NAPG: variants seen among roughly 807,000 people sequenced by gnomAD.
NAPG encodes gamma-soluble NSF attachment protein.
Under a neutral mutation model 48.4 loss-of-function variants are expected in NAPG, and 25 were observed. The observed-to-expected ratio is 0.52, with a 90% CI of 0.38 to 0.72. The LOEUF (loss-of-function observed/expected upper bound fraction) is 0.72. Ranked by LOEUF, NAPG falls within the 30% of genes least tolerant of loss-of-function variation. The pLI is 0.00. For synonymous variants in NAPG, 139 were observed against 127.2 expected, an observed-to-expected ratio of 1.09 and a Z score of -0.62; for missense variants, 359 against 372.5, an observed-to-expected ratio of 0.96 and a Z score of 0.30.
rs754796911 is a variant in NAPG at position 10,548,305 on chromosome 18, A to G, written c.592A>G (p.Ile198Val). 5 of 1,612,090 alleles carry G rather than the reference A, an allele frequency of 3.1e-6. No individual in the cohort carries two copies. Among genetic ancestry groups the G allele is most frequent in the African/African-American group, 1.3e-5 (1 of 74,818 alleles). ...ENYPTCYKKT[I>V]AQVLVHLHRN... is the part of the protein sequence containing the mutation. ...ATCCTCTCTTTTGTTTTAGAAAACA[A>G]TTGCTCAAGTCTTAGTTCATCTACA... The change falls in exon 10 of 12, where the codon ATT becomes GTT. Residue 198 changes from isoleucine to valine, a missense_variant. Transcript: ENST00000322897. The surrounding 1 kb of genome is among the most constrained non-coding windows in gnomAD (Gnocchi z 4.4).
intron 1 of NAPG, 80 bp downstream of exon 1, chr18:10,526,238 G>GGCCTTCCCCC: frequency 1.2e-5 from 10 of 858,036 alleles, no homozygotes; most frequent in East Asian, 3.3e-5. Flanking sequence ...CCCGGGGGGG[G>GGCCTTCCCCC]CGGGAGGGAG....
intron 1 of NAPG, among the ~76,000 whole-genome samples, chr18:10,527,198 A>AG (rs2031835298): frequency 6.6e-6 from 1 of 150,728 alleles, no homozygotes; most frequent in South Asian, 2.2e-4. Context: ...AAAAAAAAAA[A>AG]AAAAAAAGAA....
chr18:10,530,935 G>T, intron 2 of NAPG, 98 bp downstream of exon 2: 1 of 921,434 alleles, frequency 1.1e-6, no homozygotes. Context: ...TTTCTATAAG[G>T]CTTTAATAGT....
At chr18:10,537,071 C>G (rs1382546146) in intron 5 of NAPG, among the ~76,000 whole-genome samples, 2 of 152,058 alleles carry the variant, frequency 1.3e-5, no homozygotes, top group African/African-American at 4.8e-5. Flanking sequence ...ATCCTCCCAC[C>G]TCAGCCTCCT....
chr18:10,529,784 A>G (rs936195394), intron 1 of NAPG, among the ~76,000 whole-genome samples: 3 of 152,186 alleles, frequency 2.0e-5, no homozygotes, highest in Non-Finnish European at 4.4e-5. Flanking sequence ...ACTTTGTGGC[A>G]GTTCCCATGG....
At position 10,550,115 on chromosome 18, in the gene NAPG, G is replaced by A; in HGVS notation, c.834G>A (p.Gly278=). 2 of 1,575,788 alleles carry A rather than the reference G, an allele frequency of 1.3e-6. No individual in the cohort carries two copies. Among genetic ancestry groups the A allele is most frequent in the Non-Finnish European group, 1.7e-6 (2 of 1,164,562 alleles). Residue 278 remains glycine, a synonymous_variant, in exon 12 of 12, where the codon GGG becomes GGA. Transcript: ENST00000322897. The part of the protein sequence containing the change: ...KLGLSLVVPG[G]GIKKKSPATP... ...GCCTGAGTTTGGTGGTTCCAGGAGG[G>A]GGAATCAAGAAGAAATCACCTGCAA...
intron 5 of NAPG, among the ~76,000 whole-genome samples, chr18:10,538,076 G>A (rs897760492): frequency 7.9e-6 from 1 of 127,052 alleles, no homozygotes; most frequent in African/African-American, 3.2e-5. Flanking sequence ...GCTTTTAAAC[G>A]GTGTTTTTTT....
Position 10,551,998 on chromosome 18 carries a change from T to C in NAPG, c.*1778T>C, listed in dbSNP as rs768867231. ...TCAAAGATCCCATCATTGCAGCTTGTATCCTTTAGATCCAATCGGAAACTT... is the reference window on the plus strand; with the variant it reads ...TCAAAGATCCCATCATTGCAGCTTGCATCCTTTAGATCCAATCGGAAACTT... On this transcript the variant is annotated 3_prime_UTR_variant, in exon 12 of 12. Coordinates refer to ENST00000322897, the MANE Select transcript of NAPG (RefSeq NM_003826.3). The C allele has an allele frequency of 1.3e-5, 2 of 152,218 alleles. No individual in the cohort carries two copies. The highest frequency in any genetic ancestry group is 2.4e-5 in the African/African-American group (1 of 41,452). The allele number at this position is 152,218 out of a possible 1,614,324, so 9.4% of individuals were successfully genotyped here. A position where few individuals can be genotyped will look rare whatever the true frequency, so the allele number is the denominator to read the frequency against.
In NAPG at chr18:10,530,773, G is replaced by T; in HGVS notation, c.60G>T (p.Leu20=). 2 of 1,564,706 alleles carry T rather than the reference G, an allele frequency of 1.3e-6. No homozygotes were observed. Among genetic ancestry groups the T allele is most frequent in the Admixed American group, 1.9e-5 (1 of 53,384 alleles). ...AACTGTGTTTTTTTCATTCTAGCCT[G>T]AAAACTGGTTTTTTAAAATGGAAGC... is the stretch of plus-strand genomic sequence containing the variant. The part of the protein sequence containing the change: ...LEHLAKAEKY[L]KTGFLKWKPD... The change falls in exon 2 of 12, where the codon CTG becomes CTT. Residue 20 remains leucine (L), a synonymous_variant. Transcript: ENST00000322897.
chr18:10,532,677 T>C (rs1308280007), intron 2 of NAPG, 34 bp from the exon 3 acceptor site: 2 of 1,505,320 alleles, frequency 1.3e-6, no homozygotes, highest in East Asian at 2.4e-5. Flanking sequence ...AGGTTTTTAA[T>C]GATGGAAATA....
At chr18:10,536,904 G>C (rs2032044491) in intron 5 of NAPG, among the ~76,000 whole-genome samples, 1 of 151,466 alleles carries the variant, frequency 6.6e-6, no homozygotes, top group South Asian at 2.1e-4. Context: ...CCCTTGTGCA[G>C]TTGAAACTCT....
At chr18:10,545,900 T>C (rs2032253277) in intron 8 of NAPG, among the ~76,000 whole-genome samples, 1 of 151,866 alleles carries the variant, frequency 6.6e-6, no homozygotes, top group Admixed American at 6.6e-5. Flanking sequence ...AGCAGCGGAG[T>C]ATGTGATGGA....
At chr18:10,532,860 T>C in intron 3 of NAPG, 65 bp downstream of exon 3, 1 of 1,349,860 alleles carries the variant, frequency 7.4e-7, no homozygotes, top group South Asian at 1.4e-5. Flanking sequence ...TGTTTTCTCT[T>C]GCTGTAAATT....
rs1477707227 is a variant in NAPG, at chr18:10,550,268, A to G, written c.*48A>G. ...AGGGAAACAAAGGTAAAATCCTGACATGCCATTTCAAGGACTTGGGAATAG... is the reference window on the plus strand; with the variant it reads ...AGGGAAACAAAGGTAAAATCCTGACGTGCCATTTCAAGGACTTGGGAATAG... On this transcript the variant is annotated 3_prime_UTR_variant, in exon 12 of 12. Transcript: ENST00000322897. 31 of 1,543,682 alleles carry G rather than the reference A, an allele frequency of 2.0e-5. No homozygotes were observed. The highest frequency in any genetic ancestry group is 2.8e-5 in the African/African-American group (2 of 70,948).
rs371437093 is a variant in NAPG, at chr18:10,546,969, T to G, written c.585+565T>G. On this transcript the variant is annotated intron_variant, in intron 9 of 11. Transcript: ENST00000322897. The surrounding 1 kb of genome is among the most constrained non-coding windows in gnomAD (Gnocchi z 4.0). ...CCCCAGTCTCTTTTGCCAGAGGAAC[T>G]AGGAAAATGAGCTAGAGAGCAAGGA... Among the ~76,000 whole-genome samples, 57 of 152,180 alleles carry G rather than the reference T, an allele frequency of 3.7e-4. No homozygotes were observed. The highest frequency in any genetic ancestry group is 1.3e-3 in the African/African-American group (52 of 41,508).
chr18:10,549,579 C>T (rs966557925), intron 11 of NAPG, among the ~76,000 whole-genome samples: 4 of 152,206 alleles, frequency 2.6e-5, no homozygotes, highest in Non-Finnish European at 5.9e-5. Context: ...TCTTGCTGGA[C>T]TGTTGTGAAG....
chr18:10,539,936 A>C lies in NAPG; in HGVS notation c.369-52A>C. The C allele has an allele frequency of 6.2e-7, 1 of 1,606,294 alleles. No homozygotes were observed. Among genetic ancestry groups the C allele is most frequent in the Non-Finnish European group, 8.5e-7 (1 of 1,174,436 alleles). ...TCTTTTTGTTTTAAAGAGGTCCCTG[A>C]AAAACAAGTTTTCCATTTCTCATAT... On this transcript the variant is annotated intron_variant, in intron 6 of 11. Transcript: ENST00000322897. The surrounding 1 kb of genome is among the most constrained non-coding windows in gnomAD (Gnocchi z 4.7).
chr18:10,547,821 A>G (rs1486532456), intron 9 of NAPG, among the ~76,000 whole-genome samples: 1 of 152,172 alleles, frequency 6.6e-6, no homozygotes, highest in Admixed American at 6.5e-5. Context: ...TATCAATACT[A>G]TCATTGTTTC....
chr18:10,526,238 G>GGCCCTTCCCCC, intron 1 of NAPG, 80 bp downstream of exon 1: 1 of 858,074 alleles, frequency 1.2e-6, no homozygotes, highest in Non-Finnish European at 1.9e-6. Context: ...CCCGGGGGGG[G>GGCCCTTCCCCC]CGGGAGGGAG....
Sources: allele counts gnomAD v4.1 joint callset (sites outside exome capture counted in the v4.1 genomes callset), GRCh38; gene constraint gnomAD v4.1.1; non-coding constraint Gnocchi (gnomAD v3.1); transcripts MANE v1.5; gene names NCBI Gene and HGNC (gene_info 2026-07-23, HGNC 2026-07-21).